VSNL1: variants seen among roughly 807,000 people sequenced by gnomAD.
VSNL1 encodes visinin-like protein 1.
In VSNL1, 6 loss-of-function variants were observed where a neutral mutation model predicts 20.4. The observed-to-expected ratio is 0.29, with a 90% CI of 0.16 to 0.58. VSNL1 has a LOEUF of 0.58. Among genes scored for constraint, VSNL1 ranks in the 20% least tolerant of loss-of-function variants. The pLI is 0.90. For synonymous variants in VSNL1, 93 were observed against 86.4 expected, an observed-to-expected ratio of 1.08 and a Z score of -0.42; for missense variants, 100 against 234.5, an observed-to-expected ratio of 0.43 and a Z score of 3.75.
intron 1 of VSNL1, among the ~76,000 whole-genome samples, chr2:17,591,259 CA>C (rs538777190): frequency 6.6e-6 from 1 of 152,118 alleles, no homozygotes; most frequent in South Asian, 2.1e-4. Flanking sequence ...GAAGAAAAAT[CA>C]GGAATTATCT....
intron 1 of VSNL1, among the ~76,000 whole-genome samples, chr2:17,557,691 G>A (rs1043912924): frequency 1.3e-5 from 2 of 152,106 alleles, no homozygotes; most frequent in Admixed American, 6.6e-5. Context: ...AGGATTATGG[G>A]TCTTCCTCCC....
chr2:17,540,404 G>T (rs1264244823), upstream of VSNL1, among the ~76,000 whole-genome samples: 2 of 152,240 alleles, frequency 1.3e-5, no homozygotes, highest in Non-Finnish European at 2.9e-5. Flanking sequence ...CCTCGCGCCC[G>T]TCCAGGTGCG....
At chr2:17,568,639 CT>C in intron 1 of VSNL1, among the ~76,000 whole-genome samples, 1 of 152,300 alleles carries the variant, frequency 6.6e-6, no homozygotes, top group Non-Finnish European at 1.5e-5. Context: ...CAAAACATCC[CT>C]TGTTGTTGTT....
chr2:17,558,263 ACATTCCATTCCAG>A (rs1373301998), intron 1 of VSNL1, among the ~76,000 whole-genome samples: 2 of 152,234 alleles, frequency 1.3e-5, no homozygotes, highest in African/African-American at 4.8e-5. Flanking sequence ...AATCAAGCCA[ACATTCCATTCCAG>A]CTCAGTCACA....
At chr2:17,542,338 G>T (rs1451879024) in intron 1 of VSNL1, among the ~76,000 whole-genome samples, 2 of 152,102 alleles carry the variant, frequency 1.3e-5, no homozygotes, top group Non-Finnish European at 2.9e-5. Flanking sequence ...TTGGCAGAAT[G>T]GGCATGAGGC....
chr2:17,540,403 C>T (rs1347893067), upstream of VSNL1, among the ~76,000 whole-genome samples: 2 of 152,236 alleles, frequency 1.3e-5, no homozygotes, highest in Non-Finnish European at 2.9e-5. Flanking sequence ...CCCTCGCGCC[C>T]GTCCAGGTGC....
chr2:17,653,712 T>C (rs1666168154), intron 3 of VSNL1, among the ~76,000 whole-genome samples: 1 of 152,266 alleles, frequency 6.6e-6, no homozygotes, highest in Non-Finnish European at 1.5e-5. Flanking sequence ...TTGCTCTGAT[T>C]GGCATTTCTA....
chr2:17,613,470 C>T (rs1421254466), intron 2 of VSNL1, among the ~76,000 whole-genome samples: 1 of 152,202 alleles, frequency 6.6e-6, no homozygotes, highest in African/African-American at 2.4e-5. Flanking sequence ...CTGGGCTGGA[C>T]CTCAGTTCTA....
At chr2:17,637,669 G>A (rs926470399) in intron 2 of VSNL1, among the ~76,000 whole-genome samples, 1 of 152,172 alleles carries the variant, frequency 6.6e-6, no homozygotes, top group South Asian at 2.1e-4. Context: ...GCATCAGAGA[G>A]TGTGCGCTAT....
chr2:17,584,612 G>T (rs1350660659), intron 1 of VSNL1, among the ~76,000 whole-genome samples: 1 of 152,146 alleles, frequency 6.6e-6, no homozygotes, highest in African/African-American at 2.4e-5. Flanking sequence ...CAGGCTCTCA[G>T]CACCTGCCCT....
At chr2:17,550,326 A>T (rs567959606) in intron 1 of VSNL1, among the ~76,000 whole-genome samples, 8 of 152,324 alleles carry the variant, frequency 5.3e-5, no homozygotes, top group Admixed American at 3.9e-4. Flanking sequence ...TGAAAAAATG[A>T]TTTTGAAGTA....
chr2:17,649,532 C>T lies in VSNL1; in HGVS notation c.285C>T (p.Gly95=). The stretch of plus-strand genomic sequence containing the variant: ...GCGCTCTGTCCATCACCTCCAGGGG[C>T]AGCTTTGAGCAGAAGCTGAACTGGG... ...FICALSITSR[G]SFEQKLNWAF... Residue 95 remains glycine (G), a synonymous_variant, in exon 3 of 4, where the codon GGC becomes GGT. Transcript: ENST00000295156. The surrounding 1 kb of genome is among the most constrained non-coding windows in gnomAD (Gnocchi z 6.4). 6.2e-7 allele frequency: 1 copy of T among 1,614,202 alleles called. No individual in the cohort carries two copies. Among genetic ancestry groups the T allele is most frequent in the Non-Finnish European group, 8.5e-7 (1 of 1,180,042 alleles).
chr2:17,594,164 C>T (rs1449900340), intron 2 of VSNL1, among the ~76,000 whole-genome samples: 2 of 152,174 alleles, frequency 1.3e-5, no homozygotes, highest in African/African-American at 4.8e-5. Flanking sequence ...TTAAGCATGC[C>T]TTGGCGTTTT....
intron 2 of VSNL1, among the ~76,000 whole-genome samples, chr2:17,602,578 A>G (rs1343707061): frequency 6.6e-6 from 1 of 152,122 alleles, no homozygotes; most frequent in East Asian, 1.9e-4. Flanking sequence ...CTCTGTCTCT[A>G]CTAAAGATAT....
At chr2:17,569,642 A>G (rs1664034947) in intron 1 of VSNL1, among the ~76,000 whole-genome samples, 1 of 152,132 alleles carries the variant, frequency 6.6e-6, no homozygotes, top group Non-Finnish European at 1.5e-5. Flanking sequence ...CATTAGAACT[A>G]ACTTCCAATT....
At chr2:17,641,468 T>C (rs1185392902) in intron 2 of VSNL1, among the ~76,000 whole-genome samples, 1 of 152,248 alleles carries the variant, frequency 6.6e-6, no homozygotes, top group African/African-American at 2.4e-5. Flanking sequence ...AATTTGTTAT[T>C]GACATCCTAG....
chr2:17,648,438 G>A (rs991215167), intron 2 of VSNL1, among the ~76,000 whole-genome samples: 6 of 152,170 alleles, frequency 3.9e-5, no homozygotes, highest in Non-Finnish European at 5.9e-5. Flanking sequence ...CAAAACTTAC[G>A]AAGGAAAAGG....
chr2:17,645,311 C>A (rs1665969210), intron 2 of VSNL1, among the ~76,000 whole-genome samples: 1 of 152,254 alleles, frequency 6.6e-6, no homozygotes, highest in South Asian at 2.1e-4. Flanking sequence ...CCACCCCACC[C>A]CCACCCAAAG....
intron 1 of VSNL1, among the ~76,000 whole-genome samples, chr2:17,583,623 C>T (rs906498078): frequency 7.2e-5 from 11 of 152,236 alleles, no homozygotes; most frequent in African/African-American, 2.7e-4. Context: ...TATTAATCAG[C>T]TCACACTTCT....
Sources: gnomAD v4.1 joint callset for allele counts (sites outside exome capture counted in the v4.1 genomes callset) on GRCh38, gnomAD v4.1.1 for gene constraint, Gnocchi (gnomAD v3.1) non-coding constraint, MANE v1.5 for transcripts, NCBI Gene and HGNC (gene_info 2026-07-23, HGNC 2026-07-21) for gene names.